ADAP2: variants seen among roughly 807,000 people sequenced by gnomAD.
ADAP2 encodes ArfGAP with dual PH domains 2.
A neutral mutation model predicts 54.9 loss-of-function variants in ADAP2; 42 were observed. The ratio of observed to expected loss-of-function variants is 0.77; its 90% confidence interval spans 0.60 to 0.99. The LOEUF (loss-of-function observed/expected upper bound fraction) is 0.99, where lower values mean the gene tolerates loss of function less well. ADAP2 is among the 50% of genes least tolerant of loss of function. The pLI is 0.00. For missense variants in ADAP2, 429 were observed against 480.4 expected, an observed-to-expected ratio of 0.89 and a Z score of 1.00; for synonymous variants, 177 against 180.1, an observed-to-expected ratio of 0.98 and a Z score of 0.14.
At chr17:30,926,164 GCAATGCT>G (rs1911046379) in intron 2 of ADAP2, among the ~76,000 whole-genome samples, 1 of 152,204 alleles carries the variant, frequency 6.6e-6, no homozygotes, top group Non-Finnish European at 1.5e-5. Context: ...GAGAAGAGGA[GCAATGCT>G]CCTCTCCTGC....
chr17:30,945,041 T>C lies in ADAP2; in HGVS notation c.645T>C (p.His215=), dbSNP rs376715701. ...ACACCAGGAACCTGTTTGTGTATCA[T>C]GAAAGTGGGAAGGTGAGATGCCTGG... ...DGHTRNLFVY[H]ESGKEIVDWF... Residue 215 remains histidine (H), a synonymous_variant, in exon 6 of 11, where the codon CAT becomes CAC. Coordinates refer to ENST00000330889, the MANE Select transcript of ADAP2 (RefSeq NM_018404.3). 6.2e-7 allele frequency: 1 copy of C among 1,613,802 alleles called. No homozygotes were observed.
intron 8 of ADAP2, 34 bp downstream of exon 8, chr17:30,953,384 G>T (rs762190583): frequency 3.1e-6 from 5 of 1,597,172 alleles, no homozygotes; most frequent in Non-Finnish European, 4.3e-6. Context: ...AACTTAATAT[G>T]GTTTAATGTA....
At chr17:30,948,879 G>T (rs897957722) in intron 6 of ADAP2, among the ~76,000 whole-genome samples, 9 of 152,212 alleles carry the variant, frequency 5.9e-5, no homozygotes, top group Admixed American at 5.9e-4. Flanking sequence ...CCACTGACTA[G>T]CAGCATCATA....
chr17:30,924,871 T>G (rs907435275), intron 2 of ADAP2, among the ~76,000 whole-genome samples: 7 of 151,588 alleles, frequency 4.6e-5, no homozygotes, highest in African/African-American at 1.7e-4. Context: ...TTTTTGTTTT[T>G]TTTGTTTTTT....
rs573331078 is a variant in ADAP2 at position 30,956,300 on chromosome 17, C to T, written c.942C>T (p.Tyr314=). The change falls in exon 10 of 11, where the codon TAC becomes TAT. Residue 314 remains tyrosine (Y), a synonymous_variant. Coordinates refer to ENST00000330889, the MANE Select transcript of ADAP2 (RefSeq NM_018404.3). ...ACAAGGAGCAGGGATATGAAGCCTA[C>T]GAAGACCTGCCCAAGGGCATCCGAG... ...LGNKEQGYEA[Y]EDLPKGIRGN... 105 of 1,614,174 alleles carry T rather than the reference C, an allele frequency of 6.5e-5. No individual in the cohort carries two copies. In the South Asian group the frequency reaches 9.4e-4, roughly 15 times the overall value.
chr17:30,930,003 T>C (rs919963916), intron 3 of ADAP2, among the ~76,000 whole-genome samples: 1 of 149,296 alleles, frequency 6.7e-6, no homozygotes, highest in Non-Finnish European at 1.5e-5. Flanking sequence ...AGGCATGAGT[T>C]ACCATGCCCA....
At chr17:30,938,198 C>T (rs1912025319) in intron 5 of ADAP2, among the ~76,000 whole-genome samples, 1 of 152,202 alleles carries the variant, frequency 6.6e-6, no homozygotes, top group Non-Finnish European at 1.5e-5. Flanking sequence ...TTCTGGTGTA[C>T]TCCATGTGGC....
intron 2 of ADAP2, among the ~76,000 whole-genome samples, chr17:30,924,245 C>T (rs1033692155): frequency 2.6e-5 from 4 of 151,974 alleles, no homozygotes; most frequent in South Asian, 2.1e-4. Context: ...TGATGGCATG[C>T]GCCTGTCGTC....
intron 6 of ADAP2, among the ~76,000 whole-genome samples, chr17:30,947,051 C>G (rs1912730762): frequency 6.6e-6 from 1 of 152,212 alleles, no homozygotes; most frequent in South Asian, 2.1e-4. Context: ...GGCCATTCTT[C>G]TCTTTTGCTT....
In ADAP2 at chr17:30,957,798, T is replaced by A. The variant is rs763139017; in HGVS notation, c.1112-37T>A. 31 of 1,611,722 alleles carry A rather than the reference T, an allele frequency of 1.9e-5. No individual in the cohort carries two copies. The South Asian group carries it at 3.1e-4, about 16-fold the overall frequency. On this transcript the variant is annotated intron_variant, in intron 10 of 10. Coordinates refer to ENST00000330889, the MANE Select transcript of ADAP2 (RefSeq NM_018404.3). ...TCTCCTCCACAGGACAGCATTGGCA[T>A]GGCCACCTCCCTCAGCCCTCTTCAT...
In ADAP2 at chr17:30,944,244, T is replaced by C. The variant is rs182244989; in HGVS notation, c.511-663T>C. On this transcript the variant is annotated intron_variant, in intron 5 of 10. Coordinates refer to ENST00000330889, the MANE Select transcript of ADAP2 (RefSeq NM_018404.3). ...ATGTTCTCTCAGCAACGTGGATTGA[T>C]CTGGAGAACATTATCTTAAGTAACT... is the stretch of plus-strand genomic sequence containing the variant. Among the ~76,000 whole-genome samples the C allele has an allele frequency of 4.6e-5, 7 of 152,254 alleles. No homozygotes were observed. The East Asian group carries it at 9.7e-4, about 21-fold the overall frequency.
At position 30,937,313 on chromosome 17, in the gene ADAP2, C is replaced by T. The variant is rs1911963103; in HGVS notation, c.510+3016C>T. On this transcript the variant is annotated intron_variant, in intron 5 of 10. Coordinates refer to ENST00000330889, the MANE Select transcript of ADAP2 (RefSeq NM_018404.3). ...CTCGGCTCACTGCAACCTCCACCTCCCGGGTTCAAGTGATTCCCCTGCCTC... is the reference window on the plus strand; with the variant it reads ...CTCGGCTCACTGCAACCTCCACCTCTCGGGTTCAAGTGATTCCCCTGCCTC... Among the ~76,000 whole-genome samples, 3 of 147,362 alleles carry T rather than the reference C, an allele frequency of 2.0e-5. No homozygotes were observed. The South Asian group carries it at 6.5e-4, about 32-fold the overall frequency.
intron 7 of ADAP2, among the ~76,000 whole-genome samples, chr17:30,951,689 T>A (rs1415459610): frequency 6.9e-6 from 1 of 144,118 alleles, no homozygotes; most frequent in Non-Finnish European, 1.5e-5. Flanking sequence ...AGAGTCTCGC[T>A]CTTTCGCCCA....
chr17:30,924,438 T>G (rs1237557299), intron 2 of ADAP2, among the ~76,000 whole-genome samples: 1 of 151,934 alleles, frequency 6.6e-6, no homozygotes, highest in Non-Finnish European at 1.5e-5. Context: ...AATAACCTGA[T>G]TTGTGGTCTA....
chr17:30,948,122 A>C (rs1206648294), intron 6 of ADAP2, among the ~76,000 whole-genome samples: 2 of 152,228 alleles, frequency 1.3e-5, no homozygotes, highest in Admixed American at 1.3e-4. Flanking sequence ...GCTAAGCAGA[A>C]TGTCCCGAGA....
At chr17:30,956,626 A>C in intron 10 of ADAP2, 157 bp downstream of exon 10, 1 of 776,436 alleles carries the variant, frequency 1.3e-6, no homozygotes, top group Non-Finnish European at 2.1e-6. Context: ...AAGCACAGAC[A>C]TGCCATTATT....
Position 30,953,496 on chromosome 17 carries a change from A to G in ADAP2, c.804+146A>G. ...ACAGCCCATGGGCCACATGCAACCC[A>G]GGACGGCTTGGAATGATGCCCAACA... On this transcript the variant is annotated intron_variant, in intron 8 of 10. Coordinates refer to ENST00000330889, the MANE Select transcript of ADAP2 (RefSeq NM_018404.3). 3 of 745,598 alleles carry G rather than the reference A, an allele frequency of 4.0e-6. No homozygotes were observed. The South Asian group carries it at 5.7e-5, about 14-fold the overall frequency. The allele number at this position is 745,598 out of a possible 1,614,324, so 46.2% of individuals were successfully genotyped here.
At position 30,926,740 on chromosome 17, in the gene ADAP2, CT is replaced by C. The variant is rs1445486138; in HGVS notation, c.226-86del. On this transcript the variant is annotated intron_variant, in intron 2 of 10. Coordinates refer to ENST00000330889, the MANE Select transcript of ADAP2 (RefSeq NM_018404.3). ...ATCTCCTTCTTGGAGGCAGTTTCTT[CT>C]GACTCAGCCTAAGTCAGTGGCCTCA... The C allele has an allele frequency of 3.3e-6, 4 of 1,218,748 alleles. No homozygotes were observed. The African/African-American group carries it at 4.5e-5, about 14-fold the overall frequency. The allele number at this position is 1,218,748 out of a possible 1,614,324, so 75.5% of individuals were successfully genotyped here.
chr17:30,947,071 G>T (rs1912731820), intron 6 of ADAP2, among the ~76,000 whole-genome samples: 1 of 152,168 alleles, frequency 6.6e-6, no homozygotes, highest in South Asian at 2.1e-4. Flanking sequence ...TGATGCCCCA[G>T]CCTGTCTGTT....
Sources: gnomAD v4.1 joint callset for allele counts (sites outside exome capture counted in the v4.1 genomes callset) on GRCh38, gnomAD v4.1.1 for gene constraint, MANE v1.5 for transcripts, NCBI Gene and HGNC (gene_info 2026-07-23, HGNC 2026-07-21) for gene names.